The following ALOXE3 variants were observed in gnomAD, a reference collection of about 807,000 sequenced individuals.
ALOXE3 encodes the protein hydroperoxide isomerase ALOXE3.
Under a neutral mutation model 87.5 loss-of-function variants are expected in ALOXE3, and 78 were observed. The ratio of observed to expected loss-of-function variants is 0.89; its 90% CI spans 0.74 to 1.08. ALOXE3 has a LOEUF of 1.08. ALOXE3 is among the 50% of genes least tolerant of loss of function. The pLI is 0.00. For synonymous variants in ALOXE3, 363 were observed against 370.8 expected (o/e 0.98, Z 0.24); for missense variants, 946 against 912.4 (o/e 1.04, Z -0.47).
At chr17:8,118,654 C>CA (rs1160445668), upstream of ALOXE3, 3 of 1,537,178 alleles carry the variant, frequency 2.0e-6, no homozygotes, top group African/African-American at 1.4e-5. Context: ...CCGATCCCCC[C>CA]ACGCATGGCC....
chr17:8,103,974 C>A (rs1376135319), intron 14 of ALOXE3, 141 bp downstream of exon 14: 1 of 722,364 alleles, frequency 1.4e-6, no homozygotes, highest in African/African-American at 1.7e-5. Context: ...CAACCCTTCA[C>A]CCCACTCAGC....
At position 8,110,268 on chromosome 17, in the gene ALOXE3, G is replaced by C. The variant is rs1467111305; in HGVS notation, c.1129C>G (p.Pro377Ala). The change falls in exon 10 of 16, where the codon CCC becomes GCC. Residue 377 changes from proline (P) to alanine (A), a missense_variant. Transcript: ENST00000448843. ...TCGGAGTCAGTGGGCAGGAAGATGG[G>C]GCTGTCAGGCCCGGGGGTCTGGCTG... ...QLSQTPGPDS[P>A]IFLPTDSEWD... 6.2e-7 allele frequency: 1 copy of C among 1,613,938 alleles called. No individual in the cohort carries two copies. The highest frequency in any genetic ancestry group is 8.5e-7 in the Non-Finnish European group (1 of 1,179,924).
chr17:8,104,758 T>A (rs1979166473), intron 13 of ALOXE3, among the ~76,000 whole-genome samples: 1 of 152,140 alleles, frequency 6.6e-6, no homozygotes. Flanking sequence ...AGTGGAGGCC[T>A]CCTGGAGGAC....
At position 8,110,425 on chromosome 17, in the gene ALOXE3, C is replaced by A. The variant is rs767046669; in HGVS notation, c.1061G>T (p.Trp354Leu). The A allele has an allele frequency of 6.2e-7, 1 of 1,611,828 alleles. No individual in the cohort carries two copies. The highest frequency in any genetic ancestry group is 8.5e-7 in the Non-Finnish European group (1 of 1,178,828). The change falls in exon 9 of 16, where the codon TGG becomes TTG. Residue 354 changes from tryptophan (W) to leucine (L), a missense_variant. Coordinates refer to ENST00000448843, the MANE Select transcript of ALOXE3 (RefSeq NM_021628.3). ...QYVAAPLCLL[W>L]LSPQGALVPL... ...CACCAGCGCCCCCTGGGGGCTGAGC[C>A]ACAGCAGGCACAGTGGGGCGGCCAC...
chr17:8,096,650 T>C lies in ALOXE3; in HGVS notation c.2113A>G (p.Ile705Val), dbSNP rs778073825. 3.4e-6 allele frequency: 5 copies of C among 1,456,786 alleles called. No individual in the cohort carries two copies. In the African/African-American group the frequency reaches 4.2e-5, roughly 12 times the overall value. The allele number at this position is 1,456,786 out of a possible 1,614,324, so 90.2% of individuals were successfully genotyped here. A position where few individuals can be genotyped will look rare whatever the true frequency, so the allele number is the denominator to read the frequency against. ...GGTTAGATGGAGACGCTGTTCTCAA[T>C]GAGGGGAGGGTCCAGGTAGGTGTAG... is the stretch of plus-strand genomic sequence containing the variant. ...LPYTYLDPPL[I>V]ENSVSI is the part of the protein sequence containing the mutation. The change falls in exon 16 of 16, where the codon ATT becomes GTT. Residue 705 changes from isoleucine to valine, a missense_variant. Coordinates refer to ENST00000448843, the MANE Select transcript of ALOXE3 (RefSeq NM_021628.3).
chr17:8,116,797 C>T lies in ALOXE3; in HGVS notation c.331G>A (p.Val111Met), dbSNP rs780839083. ...CCACCTGTTCCTGGCCTCAGCTCCACGGTGCAGTAGCCTTCAATCCACTGA... is the reference window on the plus strand; with the variant it reads ...CCACCTGTTCCTGGCCTCAGCTCCATGGTGCAGTAGCCTTCAATCCACTGA... The part of the protein sequence containing the change: ...CYQWIEGYCT[V>M]ELRPGTARTI... The change falls in exon 3 of 16, where the codon GTG becomes ATG. Residue 111 changes from valine (V) to methionine (M), a missense_variant. Transcript: ENST00000448843. 37 of 1,614,098 alleles carry T rather than the reference C, an allele frequency of 2.3e-5. No homozygotes were observed. The highest frequency in any genetic ancestry group is 1.0e-4 in the Admixed American group (6 of 60,010).
Position 8,109,186 on chromosome 17 carries a change from G to C in ALOXE3, c.1550C>G (p.Ala517Gly), listed in dbSNP as rs1289470540. The C allele has an allele frequency of 1.9e-6, 3 of 1,613,518 alleles. No individual in the cohort carries two copies. Among genetic ancestry groups the C allele is most frequent in the Non-Finnish European group, 2.5e-6 (3 of 1,180,024 alleles). ...HYRDDGLKIWAAIESFVSEIV... is the reference protein window; with the variant it reads ...HYRDDGLKIWGAIESFVSEIV... ...CCGCACCTCGCACCTCTCAATGGCC[G>C]CCCAGATCTTCAGGCCGTCGTCTCG... is the stretch of plus-strand genomic sequence containing the variant. The change falls in exon 12 of 16, where the codon GCG (alanine) becomes GGG (glycine). Residue 517 changes from alanine to glycine, a missense_variant. Transcript: ENST00000448843.
Position 8,103,456 on chromosome 17 carries a change from G to C in ALOXE3, c.1823C>G (p.Ser608Cys). ...GGTCTGGGGTGGGGGCTGCCTCATG[G>C]ATGATGGAGCATTGGGCATCCAGGC... is the stretch of plus-strand genomic sequence containing the variant. ...FGAWMPNAPS[S>C]MRQPPPQTKG... Residue 608 changes from serine (S) to cysteine (C), a missense_variant, in exon 15 of 16, where the codon TCC becomes TGC. Ser to Cys is a moderately radical substitution (Grantham distance 112). Coordinates refer to ENST00000448843, the MANE Select transcript of ALOXE3 (RefSeq NM_021628.3). The C allele has an allele frequency of 6.2e-7, 1 of 1,614,162 alleles. No individual in the cohort carries two copies. The highest frequency in any genetic ancestry group is 1.3e-5 in the African/African-American group (1 of 75,030).
chr17:8,114,915 C>A, intron 5 of ALOXE3, 23 bp downstream of exon 5: 5 of 1,614,002 alleles, frequency 3.1e-6, no homozygotes, highest in Non-Finnish European at 4.2e-6. Context: ...CCTTTCCCCT[C>A]CTTCCCAAGC....
rs756964088 is a variant in ALOXE3 at position 8,108,491 on chromosome 17, G to A, written c.1661C>T (p.Ala554Val). 7 of 1,613,124 alleles carry A rather than the reference G, an allele frequency of 4.3e-6. No homozygotes were observed. The highest frequency in any genetic ancestry group is 3.3e-5 in the Admixed American group (2 of 59,978). The change falls in exon 13 of 16, where the codon GCG (alanine) becomes GTG (valine). Residue 554 changes from alanine to valine, a missense_variant. Physicochemically the swap from Ala to Val is moderately conservative, Grantham distance 64. Transcript: ENST00000448843. ...ACCTGAGCTTTCCCGGCCCAGGAAC[G>A]CCTGAGCAAAAATCTCGCCAGTCCA... is the stretch of plus-strand genomic sequence containing the variant. ...QAWTGEIFAQ[A>V]FLGRESSGFP...
intron 13 of ALOXE3, among the ~76,000 whole-genome samples, chr17:8,105,355 A>AGGCC (rs200479198): frequency 1.6e-5 from 2 of 128,952 alleles, no homozygotes; most frequent in Admixed American, 1.5e-4. Context: ...TCCTTCCTTC[A>AGGCC]GCTACTAATG....
At chr17:8,110,578 T>C (rs1454858114) in intron 8 of ALOXE3, 50 bp from the exon 9 acceptor site, 3 of 1,601,364 alleles carry the variant, frequency 1.9e-6, no homozygotes. Context: ...CGCGCTCCAC[T>C]TCCCTCCCAT....
At position 8,096,383 on chromosome 17, in the gene ALOXE3, G is replaced by A; in HGVS notation, c.*244C>T. 5.8e-6 allele frequency: 3 copies of A among 521,490 alleles called. No homozygotes were observed. Among genetic ancestry groups the A allele is most frequent in the Non-Finnish European group, 1.0e-5 (3 of 291,292 alleles). The allele number at this position is 521,490 out of a possible 1,614,324, so 32.3% of individuals were successfully genotyped here. ...GTGAAGCGGTTCCTTCCTTTCGGAG[G>A]GGCTATTGTGCATTGGACTTTGGTC... is the stretch of plus-strand genomic sequence containing the variant. On this transcript the variant is annotated 3_prime_UTR_variant, in exon 16 of 16. Coordinates refer to ENST00000448843, the MANE Select transcript of ALOXE3 (RefSeq NM_021628.3).
Position 8,114,966 on chromosome 17 carries a change from T to C in ALOXE3, c.526A>G (p.Thr176Ala), listed in dbSNP as rs753742396. 3 of 1,614,066 alleles carry C rather than the reference T, an allele frequency of 1.9e-6. No individual in the cohort carries two copies. In the South Asian group the frequency reaches 3.3e-5, roughly 18 times the overall value. ...ESDKKFALTKTTTCVDQGDSS... is the reference protein window; with the variant it reads ...ESDKKFALTKATTCVDQGDSS... The stretch of plus-strand genomic sequence containing the variant: ...TCACCCTGGTCTACACAAGTTGTCG[T>C]CTTTGTCAAGGCAAATTTCTTGTCT... Residue 176 changes from threonine (T) to alanine (A), a missense_variant, in exon 5 of 16, where the codon ACG (threonine) becomes GCG (alanine). Thr to Ala is a moderately conservative substitution (Grantham distance 58). Transcript: ENST00000448843.
intron 11 of ALOXE3, 60 bp from the exon 12 acceptor site, chr17:8,109,403 C>T: frequency 6.3e-7 from 1 of 1,595,064 alleles, no homozygotes; most frequent in Non-Finnish European, 8.5e-7. Context: ...AGTGTCTGGG[C>T]ACGAGATGGG....
At position 8,110,310 on chromosome 17, in the gene ALOXE3, A is replaced by G. The variant is rs775697959; in HGVS notation, c.1102-15T>C. The G allele has an allele frequency of 6.2e-7, 1 of 1,613,102 alleles. No individual in the cohort carries two copies. Among genetic ancestry groups the G allele is most frequent in the South Asian group, 1.1e-5 (1 of 91,072 alleles). ...GTCTGGCTGAGCTGCGTCCGAAAGG[A>G]ACGAGGGATGATGGGGCTCCGGGCT... On this transcript the variant is annotated splice_polypyrimidine_tract_variant and intron_variant, in intron 9 of 15. Transcript: ENST00000448843.
At chr17:8,097,892 T>C (rs1438289800) in intron 15 of ALOXE3, among the ~76,000 whole-genome samples, 2 of 151,526 alleles carry the variant, frequency 1.3e-5, no homozygotes, top group East Asian at 2.0e-4. Context: ...GGACTACAGG[T>C]GCCTGCCACC....
intron 3 of ALOXE3, among the ~76,000 whole-genome samples, chr17:8,116,498 G>A (rs1458127576): frequency 6.6e-6 from 1 of 152,184 alleles, no homozygotes; most frequent in Non-Finnish European, 1.5e-5. Flanking sequence ...TGCAGAGGGA[G>A]GCTGTGGAAA....
chr17:8,098,762 T>C (rs1978731236), intron 15 of ALOXE3, among the ~76,000 whole-genome samples: 1 of 152,168 alleles, frequency 6.6e-6, no homozygotes, highest in African/African-American at 2.4e-5. Context: ...TTTATCATGG[T>C]GTGTTATTGT....
Sources: gnomAD v4.1 joint callset for allele counts (sites outside exome capture counted in the v4.1 genomes callset) on GRCh38, gnomAD v4.1.1 for gene constraint, MANE v1.5 for transcripts, NCBI Gene and HGNC (gene_info 2026-07-23, HGNC 2026-07-21) for gene names.